The following LRP1B variants were observed in gnomAD, a reference collection of about 807,000 sequenced individuals.
LRP1B encodes the protein LDL receptor related protein 1B.
LRP1B carries 217 observed loss-of-function variants against 556.6 expected under a neutral mutation model. The observed-to-expected ratio is 0.39, with a 90% CI of 0.35 to 0.44. The LOEUF is 0.44. Among genes scored for constraint, LRP1B ranks in the 20% least tolerant of loss-of-function variants. The probability of loss-of-function intolerance (pLI) is 1.00; values close to 1 mark genes in which losing one functional copy is unlikely to be tolerated. For missense variants in LRP1B, 5,053 were observed against 5,620.8 expected (o/e 0.90, Z 3.23); for synonymous variants, 2,047 against 1,865.8 (o/e 1.10, Z -2.50).
chr2:141,811,847 T>A (rs1032599623), intron 1 of LRP1B, among the ~76,000 whole-genome samples: 2 of 152,038 alleles, frequency 1.3e-5, no homozygotes, highest in African/African-American at 4.8e-5. Flanking sequence ...ACTAGTTGTG[T>A]CTACAGATCT....
At chr2:141,051,245 A>T (rs1699026866) in intron 10 of LRP1B, among the ~76,000 whole-genome samples, 1 of 152,106 alleles carries the variant, frequency 6.6e-6, no homozygotes, top group Non-Finnish European at 1.5e-5. Context: ...TACAATCAGA[A>T]ATACTATTTT....
chr2:141,351,972 A>G (rs920815205), intron 3 of LRP1B, among the ~76,000 whole-genome samples: 6 of 151,912 alleles, frequency 3.9e-5, no homozygotes, highest in Non-Finnish European at 7.4e-5. Context: ...ATGAGGGAGT[A>G]TGAGGTATCT....
At chr2:141,044,849 G>A (rs1349346636) in intron 11 of LRP1B, among the ~76,000 whole-genome samples, 2 of 151,208 alleles carry the variant, frequency 1.3e-5, no homozygotes, top group African/African-American at 4.9e-5. Context: ...AACCATTGTG[G>A]AAGTCAGTGT....
Position 140,815,380 on chromosome 2 carries a change from C to A in LRP1B, c.5210-1574G>T, listed in dbSNP as rs528386514. Among the ~76,000 whole-genome samples, 11 of 152,208 alleles carry A rather than the reference C, an allele frequency of 7.2e-5. No homozygotes were observed. The South Asian group carries it at 1.9e-3, about 26-fold the overall frequency. On this transcript the variant is annotated intron_variant, in intron 31 of 90. Coordinates refer to ENST00000389484, the MANE Select transcript of LRP1B (RefSeq NM_018557.3). ...AGAATGCAGTGGCACAATCATAGCT[C>A]ACTGCAGCTTTGAAATCCTGGGCTC...
intron 27 of LRP1B, among the ~76,000 whole-genome samples, chr2:140,854,692 C>T (rs903441009): frequency 4.6e-5 from 7 of 152,170 alleles, no homozygotes; most frequent in Non-Finnish European, 7.3e-5. Context: ...AACATAACCA[C>T]GTGCATTGGT....
intron 3 of LRP1B, among the ~76,000 whole-genome samples, chr2:141,263,843 C>T (rs1416775356): frequency 2.0e-5 from 3 of 152,044 alleles, no homozygotes; most frequent in East Asian, 1.9e-4. Context: ...TCAATTAATC[C>T]AGATCACCCT....
intron 77 of LRP1B, among the ~76,000 whole-genome samples, chr2:140,339,272 A>G (rs1386607385): frequency 6.6e-6 from 1 of 151,818 alleles, no homozygotes; most frequent in Non-Finnish European, 1.5e-5. Flanking sequence ...AACTGAAGAT[A>G]TAAGTCACTG....
intron 3 of LRP1B, among the ~76,000 whole-genome samples, chr2:141,406,002 A>G (rs762582906): frequency 6.6e-6 from 1 of 152,090 alleles, no homozygotes; most frequent in Admixed American, 6.5e-5. Flanking sequence ...TATGCCAAGT[A>G]TGATGTATGG....
At chr2:141,805,200 T>A (rs2105696203) in intron 2 of LRP1B, among the ~76,000 whole-genome samples, 1 of 152,190 alleles carries the variant, frequency 6.6e-6, no homozygotes, top group African/African-American at 2.4e-5. Flanking sequence ...CCCTTTACTC[T>A]TTTCCTTCTG....
rs117685899 is a variant in LRP1B, at chr2:141,594,917, A to G, written c.206-114384T>C. Among the ~76,000 whole-genome samples, 359 of 152,210 alleles carry G rather than the reference A, an allele frequency of 2.4e-3. 5 individuals carry two copies. The highest frequency in any genetic ancestry group is 0.017 in the Admixed American group (260 of 15,264). On this transcript the variant is annotated intron_variant, in intron 2 of 90. Transcript: ENST00000389484. ...ACAGCCTGTAATTTCTAGTTTTCCT[A>G]AATTATAGAAGTTTATGAACTATGA...
intron 82 of LRP1B, among the ~76,000 whole-genome samples, chr2:140,316,678 C>G (rs928788785): frequency 2.0e-5 from 3 of 151,990 alleles, no homozygotes; most frequent in African/African-American, 7.3e-5. Context: ...TTAAAATGTC[C>G]TTAATGACAA....
intron 1 of LRP1B, among the ~76,000 whole-genome samples, chr2:141,972,243 G>A (rs575809987): frequency 1.3e-5 from 2 of 151,444 alleles, no homozygotes; most frequent in Non-Finnish European, 3.0e-5. Flanking sequence ...TTCAGCTTTT[G>A]TTTAAAGAAT....
intron 1 of LRP1B, among the ~76,000 whole-genome samples, chr2:141,972,805 A>G (rs538184765): frequency 1.3e-5 from 2 of 151,836 alleles, no homozygotes; most frequent in East Asian, 3.9e-4. Flanking sequence ...TTAGTTCTCA[A>G]ATCAACTTGA....
intron 23 of LRP1B, among the ~76,000 whole-genome samples, chr2:140,889,913 A>G (rs1319307378): frequency 6.6e-6 from 1 of 152,172 alleles, no homozygotes; most frequent in East Asian, 1.9e-4. Flanking sequence ...CATACACTTG[A>G]ATATGTAGTT....
intron 2 of LRP1B, among the ~76,000 whole-genome samples, chr2:141,495,227 T>C (rs1683471112): frequency 6.6e-6 from 1 of 152,176 alleles, no homozygotes. Context: ...TGCTCTACGA[T>C]AAATACTGTT....
chr2:140,543,512 T>C (rs945696696), intron 43 of LRP1B, among the ~76,000 whole-genome samples: 1 of 151,934 alleles, frequency 6.6e-6, no homozygotes, highest in African/African-American at 2.4e-5. Context: ...CTCATATACA[T>C]GTCCCAATAC....
intron 2 of LRP1B, among the ~76,000 whole-genome samples, chr2:141,773,371 A>T (rs1382290468): frequency 1.3e-5 from 2 of 152,244 alleles, no homozygotes; most frequent in Non-Finnish European, 2.9e-5. Flanking sequence ...TTAGCCTATC[A>T]AAAGGTAGCC....
At chr2:140,989,796 T>C in intron 16 of LRP1B, 139 bp from the exon 17 acceptor site, 1 of 702,212 alleles carries the variant, frequency 1.4e-6, no homozygotes, top group Non-Finnish European at 2.3e-6. Flanking sequence ...CATTGCCTTA[T>C]ATTTAATAGC....
intron 1 of LRP1B, among the ~76,000 whole-genome samples, chr2:142,020,112 C>G (rs1391157389): frequency 1.3e-5 from 2 of 152,074 alleles, no homozygotes; most frequent in African/African-American, 4.8e-5. Context: ...GTATCCCCAT[C>G]AAAATTGCAA....
Sources: allele counts gnomAD v4.1 joint callset (sites outside exome capture counted in the v4.1 genomes callset), GRCh38; gene constraint gnomAD v4.1.1; transcripts MANE v1.5; gene names NCBI Gene and HGNC (gene_info 2026-07-23, HGNC 2026-07-21).